The following WDFY4 variants were observed in gnomAD, a reference collection of about 807,000 sequenced individuals.
The protein encoded by WDFY4 is WD repeat- and FYVE domain-containing protein 4.
WDFY4 carries 169 observed loss-of-function variants against 351.9 expected under a neutral mutation model. The ratio of observed to expected loss-of-function variants is 0.48; its 90% CI spans 0.42 to 0.55. WDFY4 has a LOEUF of 0.55. WDFY4 is among the 20% of genes least tolerant of loss of function. The pLI is 0.00. For missense variants in WDFY4, 3,803 were observed against 3,935.6 expected (o/e 0.97, Z 0.90); for synonymous variants, 1,622 against 1,574.6 (o/e 1.03, Z -0.71).
chr10:48,744,134 G>T (rs908964697), intron 12 of WDFY4, among the ~76,000 whole-genome samples: 8 of 152,134 alleles, frequency 5.3e-5, no homozygotes, highest in Non-Finnish European at 1.2e-4. Context: ...CTGTAACAAA[G>T]AATTCCACTA....
In WDFY4 at chr10:48,952,071, C is replaced by T. The variant is rs866121625; in HGVS notation, c.7978-5058C>T. On this transcript the variant is annotated intron_variant, in intron 51 of 61. Coordinates refer to ENST00000325239, the MANE Select transcript of WDFY4 (RefSeq NM_001394531.1). ...GCTAACTGCAGAGAGAATGGAGAAC[C>T]GTGGGGCAGCACTTGGCCCATCCTG... is the stretch of plus-strand genomic sequence containing the variant. Among the ~76,000 whole-genome samples the T allele has an allele frequency of 4.6e-5, 7 of 152,244 alleles. No homozygotes were observed. In the South Asian group the frequency reaches 6.2e-4, roughly 14 times the overall value.
intron 47 of WDFY4, among the ~76,000 whole-genome samples, chr10:48,935,675 C>G (rs1313834907): frequency 1.3e-5 from 2 of 152,046 alleles, no homozygotes; most frequent in African/African-American, 4.8e-5. Flanking sequence ...CTCTTTGCAC[C>G]CTTTTTCCAC....
At position 48,975,035 on chromosome 10, in the gene WDFY4, C is replaced by T. The variant is rs745912755; in HGVS notation, c.9102C>T (p.Asp3034=). The T allele has an allele frequency of 1.4e-5, 21 of 1,551,620 alleles. No individual in the cohort carries two copies. Among genetic ancestry groups the T allele is most frequent in the Middle Eastern group, 3.3e-4 (2 of 6,014 alleles). ...GCATCTCAGCCATCACCATCAGTGA[C>T]GTCTCAGTAAGTCTCCTGTTTCTCA... is the stretch of plus-strand genomic sequence containing the variant. ...REGISAITIS[D]VSGTIVSCAG... is the part of the protein sequence containing the mutation. The change falls in exon 58 of 62, where the codon GAC becomes GAT. Residue 3034 remains aspartate (D), a synonymous_variant. Coordinates refer to ENST00000325239, the MANE Select transcript of WDFY4 (RefSeq NM_001394531.1).
In WDFY4 at chr10:48,787,934, T is replaced by C. The variant is rs956350351; in HGVS notation, c.3809-596T>C. ...CTTCTTCTTCTTCTTCTTCTTCTTC[T>C]TCTTCTTCTTCTTCTTCTTCTTCTT... On this transcript the variant is annotated intron_variant, in intron 20 of 61. Coordinates refer to ENST00000325239, the MANE Select transcript of WDFY4 (RefSeq NM_001394531.1). 7.3e-5 allele frequency among the ~76,000 whole-genome samples: 7 copies of C among 95,864 alleles called. 1 individual carries two copies. Among genetic ancestry groups the C allele is most frequent in the African/African-American group, 3.1e-4 (7 of 22,264 alleles). The allele number at this position is 95,864 out of a possible 152,430, so 62.9% of individuals were successfully genotyped here.
chr10:48,822,292 T>C lies in WDFY4; in HGVS notation c.5825-88T>C, dbSNP rs1403878507. ...ATGGGGTACACAGAGGTGAATAAGA[T>C]GCAGTTGGTCACTACAGGGGGCTTG... On this transcript the variant is annotated intron_variant, in intron 34 of 61. Coordinates refer to ENST00000325239, the MANE Select transcript of WDFY4 (RefSeq NM_001394531.1). 7 of 1,360,280 alleles carry C rather than the reference T, an allele frequency of 5.1e-6. No homozygotes were observed. In the East Asian group the frequency reaches 1.8e-4, roughly 36 times the overall value. The allele number at this position is 1,360,280 out of a possible 1,614,324, so 84.3% of individuals were successfully genotyped here.
intron 51 of WDFY4, among the ~76,000 whole-genome samples, chr10:48,950,685 A>T (rs1438409478): frequency 6.6e-6 from 1 of 152,270 alleles, no homozygotes; most frequent in African/African-American, 2.4e-5. Context: ...CAGAGGGGAC[A>T]CAGTGCTCAG....
At chr10:48,856,217 A>G (rs1037846598) in intron 39 of WDFY4, among the ~76,000 whole-genome samples, 1 of 152,156 alleles carries the variant, frequency 6.6e-6, no homozygotes, top group Non-Finnish European at 1.5e-5. Flanking sequence ...CTTCCCACAG[A>G]TATGCAGTTA....
intron 47 of WDFY4, chr10:48,910,191 T>TGTA: frequency 3.3e-6 from 5 of 1,507,186 alleles, no homozygotes; most frequent in Non-Finnish European, 4.6e-6. Flanking sequence ...TTCAGAGTCG[T>TGTA]TTATTCTGTT....
intron 7 of WDFY4, 40 bp downstream of exon 7, chr10:48,727,699 C>G: frequency 6.5e-7 from 1 of 1,545,508 alleles, no homozygotes; most frequent in Non-Finnish European, 8.8e-7. Flanking sequence ...CACAGGACCA[C>G]CAAAGCCTTA....
At chr10:48,964,332 G>A (rs1425985632) in intron 54 of WDFY4, among the ~76,000 whole-genome samples, 3 of 152,132 alleles carry the variant, frequency 2.0e-5, no homozygotes, top group Admixed American at 6.5e-5. Flanking sequence ...ACTTGTGTTC[G>A]TATCTACCCT....
intron 28 of WDFY4, among the ~76,000 whole-genome samples, chr10:48,809,000 G>C (rs981283890): frequency 1.3e-5 from 2 of 152,102 alleles, no homozygotes; most frequent in Non-Finnish European, 2.9e-5. Flanking sequence ...CAATATTTTT[G>C]CACCAACCTA....
chr10:48,953,302 GTCTCTCTCTCTCTC>G (rs140127650), intron 51 of WDFY4, among the ~76,000 whole-genome samples: 2 of 125,914 alleles, frequency 1.6e-5, no homozygotes, highest in African/African-American at 3.0e-5. Flanking sequence ...CATGAGATAT[GTCTCTCTCTCTCTC>G]TCTCTCTCTC....
chr10:48,713,851 T>C (rs1194604674), intron 2 of WDFY4, among the ~76,000 whole-genome samples: 1 of 152,244 alleles, frequency 6.6e-6, no homozygotes, highest in Non-Finnish European at 1.5e-5. Context: ...TGACCTGTGC[T>C]AAGCAACCTG....
chr10:48,768,188 A>G (rs140594070), intron 13 of WDFY4, among the ~76,000 whole-genome samples: 2 of 152,310 alleles, frequency 1.3e-5, no homozygotes, highest in African/African-American at 4.8e-5. Context: ...CAGCTGTACC[A>G]GAAGTGGGTG....
At chr10:48,760,296 A>C in intron 12 of WDFY4, 51 bp from the exon 13 acceptor site, 1 of 1,502,502 alleles carries the variant, frequency 6.7e-7, no homozygotes, top group Non-Finnish European at 9.1e-7. Flanking sequence ...GTGAAAATAG[A>C]AAGAAACTGG....
chr10:48,953,933 T>C (rs1309860082), intron 51 of WDFY4, among the ~76,000 whole-genome samples: 1 of 152,230 alleles, frequency 6.6e-6, no homozygotes, highest in Non-Finnish European at 1.5e-5. Flanking sequence ...GAAAGGAGTA[T>C]TTCCTTTAAT....
At chr10:48,923,123 C>T (rs569485637) in intron 47 of WDFY4, among the ~76,000 whole-genome samples, 58 of 152,294 alleles carry the variant, frequency 3.8e-4, no homozygotes, top group Admixed American at 1.0e-3. Context: ...TGTCTGCTGG[C>T]TTGTCCCACG....
At position 48,899,929 on chromosome 10, in the gene WDFY4, C is replaced by A. The variant is rs1837271671; in HGVS notation, c.7438-292C>A. On this transcript the variant is annotated intron_variant, in intron 45 of 61. Coordinates refer to ENST00000325239, the MANE Select transcript of WDFY4 (RefSeq NM_001394531.1). ...CAGAAGTGAAAAAGTCTGAGGATGGCATGGGTGCTTTCTCTCGTGTCTGCT... is the reference window on the plus strand; with the variant it reads ...CAGAAGTGAAAAAGTCTGAGGATGGAATGGGTGCTTTCTCTCGTGTCTGCT... Among the ~76,000 whole-genome samples the A allele has an allele frequency of 3.3e-5, 5 of 152,166 alleles. No individual in the cohort carries two copies. In the South Asian group the frequency reaches 1.0e-3, roughly 31 times the overall value.
chr10:48,848,731 G>A (rs1589745792), intron 39 of WDFY4, among the ~76,000 whole-genome samples: 2 of 152,142 alleles, frequency 1.3e-5, no homozygotes, highest in African/African-American at 4.8e-5. Flanking sequence ...AGCCCCTCAC[G>A]GCGACACAGA....
Sources: allele counts gnomAD v4.1 joint callset (sites outside exome capture counted in the v4.1 genomes callset), GRCh38; gene constraint gnomAD v4.1.1; transcripts MANE v1.5; gene names NCBI Gene and HGNC (gene_info 2026-07-23, HGNC 2026-07-21).